Variants in NEMP2 observed in about 807,000 individuals in gnomAD.
The protein encoded by NEMP2 is nuclear envelope integral membrane protein 2, also known as UPF0571 transmembrane protein.
A neutral mutation model predicts 54.2 loss-of-function variants in NEMP2; 53 were observed. That is an observed-to-expected ratio of 0.98 (90% CI 0.78 to 1.23). The LOEUF (loss-of-function observed/expected upper bound fraction) is 1.23. Among genes scored for constraint, NEMP2 ranks in the 50% most tolerant of loss-of-function variants. NEMP2 has a pLI of 0.00. For synonymous variants in NEMP2, 197 were observed against 190.3 expected (o/e 1.04, Z -0.29); for missense variants, 455 against 511.3 (o/e 0.89, Z 1.06).
At chr2:190,503,766 T>C (rs887623325), downstream of NEMP2, among the ~76,000 whole-genome samples, 58 of 152,164 alleles carry the variant, frequency 3.8e-4, no homozygotes, top group African/African-American at 2.4e-5. The surrounding 1 kb of genome is among the most constrained non-coding windows in gnomAD (Gnocchi z 6.3). Context: ...CATGGGGCAG[T>C]TGGGAGAGAG....
the NEMP2 span, among the ~76,000 whole-genome samples, chr2:190,496,081 G>C: frequency 2.0e-5 from 3 of 151,646 alleles, no homozygotes; most frequent in African/African-American, 4.8e-5. The surrounding 1 kb of genome is among the most constrained non-coding windows in gnomAD (Gnocchi z 4.7). Flanking sequence ...AAAATCTTCA[G>C]TCTATATATC....
rs1690328017 is a variant in NEMP2 at position 190,510,623 on chromosome 2, C to T, written c.954-86G>A. 1 of 1,425,516 alleles carries T rather than the reference C, an allele frequency of 7.0e-7. No individual in the cohort carries two copies. The highest frequency in any genetic ancestry group is 1.4e-5 in the African/African-American group (1 of 70,534). 88.3% of individuals were successfully genotyped at this position (1,425,516 alleles called of 1,614,324 possible). A position where few individuals can be genotyped will look rare whatever the true frequency, so the allele number is the denominator to read the frequency against. On this transcript the variant is annotated intron_variant, in intron 7 of 8. Coordinates refer to ENST00000409150, the MANE Select transcript of NEMP2 (RefSeq NM_001142645.2). The surrounding 1 kb of genome is among the most constrained non-coding windows in gnomAD (Gnocchi z 5.7). ...ATAGGCCAGGCTCGGTGGCTCACGCCTGTAATCCAGCATTTTGGGAGGCCT... is the reference window on the plus strand; with the variant it reads ...ATAGGCCAGGCTCGGTGGCTCACGCTTGTAATCCAGCATTTTGGGAGGCCT...
At chr2:190,444,422 T>C in the NEMP2 span, among the ~76,000 whole-genome samples, 1 of 152,202 alleles carries the variant, frequency 6.6e-6, no homozygotes, top group Non-Finnish European at 1.5e-5. Context: ...TACTGTAATA[T>C]CAGTGTCAGT....
chr2:190,552,459 A>C, the NEMP2 span, among the ~76,000 whole-genome samples: 1 of 152,146 alleles, frequency 6.6e-6, no homozygotes, highest in Non-Finnish European at 1.5e-5. Context: ...TTGGCTGGTC[A>C]AGGTGGCTCC....
Position 190,529,168 on chromosome 2 carries a change from C to T in NEMP2, c.98-3790G>A, listed in dbSNP as rs1187273077. 6.6e-6 allele frequency among the ~76,000 whole-genome samples: 1 copy of T among 152,194 alleles called. No homozygotes were observed. The highest frequency in any genetic ancestry group is 1.9e-4 in the East Asian group (1 of 5,200). ...CTCCAGCCTGGGCGACAGAGTGAGA[C>T]TCTGTCTCAAAACAAAAACAAACAC... On this transcript the variant is annotated intron_variant, in intron 1 of 8. Coordinates refer to ENST00000409150, the MANE Select transcript of NEMP2 (RefSeq NM_001142645.2). This position sits in a 1 kb window ranked among gnomAD's most constrained non-coding sequence, Gnocchi z 4.7.
the NEMP2 span, among the ~76,000 whole-genome samples, chr2:190,450,356 TGAA>T: frequency 3.2e-4 from 49 of 152,268 alleles, no homozygotes; most frequent in African/African-American, 1.2e-3. Context: ...CTTTCCAACT[TGAA>T]GAAGTAACAA....
the NEMP2 span, among the ~76,000 whole-genome samples, chr2:190,450,655 G>C: frequency 6.6e-6 from 1 of 151,730 alleles, no homozygotes. Context: ...ACCATGCCCA[G>C]CTAAGTTTTG....
the NEMP2 span, among the ~76,000 whole-genome samples, chr2:190,467,160 G>GA: frequency 3.3e-5 from 5 of 152,186 alleles, no homozygotes; most frequent in Non-Finnish European, 5.9e-5. This position sits in a 1 kb window ranked among gnomAD's most constrained non-coding sequence, Gnocchi z 5.5. Flanking sequence ...GGACAGCTTG[G>GA]AATGAGTTAG....
the NEMP2 span, chr2:190,610,434 G>A: frequency 6.6e-6 from 1 of 152,130 alleles, no homozygotes; most frequent in South Asian, 2.1e-4. The surrounding 1 kb of genome is among the most constrained non-coding windows in gnomAD (Gnocchi z 5.4). Context: ...CTGGCCTCTT[G>A]GAAAGTGACA....
chr2:190,554,333 G>A, the NEMP2 span, among the ~76,000 whole-genome samples: 6 of 152,176 alleles, frequency 3.9e-5, no homozygotes, highest in Admixed American at 3.9e-4. The surrounding 1 kb of genome is among the most constrained non-coding windows in gnomAD (Gnocchi z 5.7). Flanking sequence ...AAAGGAGACT[G>A]AAGCCAGGGA....
chr2:190,584,262 A>G, the NEMP2 span, among the ~76,000 whole-genome samples: 6 of 152,188 alleles, frequency 3.9e-5, no homozygotes, highest in African/African-American at 1.2e-4. The surrounding 1 kb of genome is among the most constrained non-coding windows in gnomAD (Gnocchi z 4.2). Context: ...CATTCACAAT[A>G]GGGAATATGG....
the NEMP2 span, among the ~76,000 whole-genome samples, chr2:190,582,799 TG>T: frequency 2.0e-5 from 3 of 152,222 alleles, no homozygotes; most frequent in Non-Finnish European, 2.9e-5. The surrounding 1 kb of genome is among the most constrained non-coding windows in gnomAD (Gnocchi z 4.6). Flanking sequence ...GTTTTAATTC[TG>T]GAGCTTTATC....
chr2:190,565,614 T>G, the NEMP2 span, among the ~76,000 whole-genome samples: 2 of 152,210 alleles, frequency 1.3e-5, no homozygotes, highest in Non-Finnish European at 2.9e-5. Flanking sequence ...CGAGGAGCAC[T>G]GAAGCTAGAC....
At chr2:190,440,252 G>A in the NEMP2 span, among the ~76,000 whole-genome samples, 4 of 152,266 alleles carry the variant, frequency 2.6e-5, no homozygotes, top group East Asian at 7.7e-4. Context: ...TTTGAACTCA[G>A]TATTTTAACA....
chr2:190,570,651 A>T, the NEMP2 span, among the ~76,000 whole-genome samples: 2 of 152,240 alleles, frequency 1.3e-5, no homozygotes, highest in East Asian at 3.8e-4. The surrounding 1 kb of genome is among the most constrained non-coding windows in gnomAD (Gnocchi z 5.4). Context: ...CCAGGGGGGA[A>T]TTCCCAGAAA....
chr2:190,469,516 G>T, the NEMP2 span: 1 of 203,880 alleles, frequency 4.9e-6, no homozygotes, highest in Non-Finnish European at 9.7e-6. This position sits in a 1 kb window ranked among gnomAD's most constrained non-coding sequence, Gnocchi z 5.3. Context: ...CAAGCATTTT[G>T]AAAAGGCTGA....
downstream of NEMP2, among the ~76,000 whole-genome samples, chr2:190,499,455 T>C (rs1012842026): frequency 2.0e-5 from 3 of 152,248 alleles, no homozygotes; most frequent in African/African-American, 7.2e-5. This position sits in a 1 kb window ranked among gnomAD's most constrained non-coding sequence, Gnocchi z 6.0. Context: ...AGTGCTTGTT[T>C]ACATTCACTT....
In NEMP2 at chr2:190,533,739, G is replaced by T. The variant is rs546467161; in HGVS notation, c.97+820C>A. On this transcript the variant is annotated intron_variant, in intron 1 of 8. Transcript: ENST00000409150. The surrounding 1 kb of genome is among the most constrained non-coding windows in gnomAD (Gnocchi z 4.3). ...CAAGGAAGGGAAGTTGGTAGACAGT[G>T]CACCCAGGAAATCTTTTAAAAGATT... Among the ~76,000 whole-genome samples the T allele has an allele frequency of 6.6e-6, 1 of 151,810 alleles. No homozygotes were observed. Among genetic ancestry groups the T allele is most frequent in the South Asian group, 2.1e-4 (1 of 4,816 alleles).
At position 190,523,087 on chromosome 2, in the gene NEMP2, C is replaced by T. The variant is rs899121468; in HGVS notation, c.213+2176G>A. Among the ~76,000 whole-genome samples the T allele has an allele frequency of 6.6e-6, 1 of 151,660 alleles. No individual in the cohort carries two copies. The highest frequency in any genetic ancestry group is 2.4e-5 in the African/African-American group (1 of 41,250). ...AATATTTTATAGAGTGGCTTTTTGT[C>T]AACAAACTAAAAAAATAAAAATAAA... is the stretch of plus-strand genomic sequence containing the variant. On this transcript the variant is annotated intron_variant, in intron 2 of 8. Transcript: ENST00000409150. This position sits in a 1 kb window ranked among gnomAD's most constrained non-coding sequence, Gnocchi z 5.3.
Sources: allele counts gnomAD v4.1 joint callset (sites outside exome capture counted in the v4.1 genomes callset), GRCh38; gene constraint gnomAD v4.1.1; non-coding constraint Gnocchi (gnomAD v3.1); transcripts MANE v1.5; gene names NCBI Gene and HGNC (gene_info 2026-07-23, HGNC 2026-07-21).